PIGF: variants seen among roughly 807,000 people sequenced by gnomAD.
The protein encoded by PIGF is GPI ethanolamine phosphate transferase, stabilizing subunit.
In PIGF, 23 loss-of-function variants were observed where a neutral mutation model predicts 26.0. That is an observed-to-expected ratio of 0.88 (90% CI 0.64 to 1.25). The LOEUF is 1.25. PIGF is among the 50% of genes most tolerant of loss of function. The probability of loss-of-function intolerance (pLI) is 0.00; values close to 1 mark genes in which losing one functional copy is unlikely to be tolerated. For missense variants in PIGF, 278 were observed against 249.9 expected, an observed-to-expected ratio of 1.11 and a Z score of -0.76; for synonymous variants, 93 against 92.6, an observed-to-expected ratio of 1.00 and a Z score of -0.03.
intron 4 of PIGF, among the ~76,000 whole-genome samples, chr2:46,605,130 G>C (rs1470027731): frequency 4.6e-5 from 7 of 152,002 alleles, no homozygotes. Flanking sequence ...AGATCTTTGA[G>C]TTTTTAAATA....
chr2:46,601,000 A>C (rs983189305), intron 4 of PIGF, among the ~76,000 whole-genome samples: 4 of 151,976 alleles, frequency 2.6e-5, no homozygotes, highest in African/African-American at 7.2e-5. Flanking sequence ...TAGGATCTTT[A>C]ACTTTCTATA....
intron 5 of PIGF, among the ~76,000 whole-genome samples, chr2:46,587,720 G>A (rs1474021315): frequency 1.3e-5 from 2 of 152,132 alleles, no homozygotes; most frequent in Non-Finnish European, 2.9e-5. Flanking sequence ...GGCATGTGTG[G>A]ATTTGTTAGG....
At chr2:46,596,994 C>T (rs968895212) in intron 4 of PIGF, among the ~76,000 whole-genome samples, 3 of 152,160 alleles carry the variant, frequency 2.0e-5, no homozygotes, top group East Asian at 3.8e-4. Context: ...TGTTTGCTTA[C>T]GTACCTGTCA....
chr2:46,605,807 A>G (rs977537700), intron 4 of PIGF, among the ~76,000 whole-genome samples: 2 of 152,142 alleles, frequency 1.3e-5, no homozygotes, highest in Admixed American at 6.5e-5. Context: ...CAGCTTTCTA[A>G]GTTCTTCATC....
At chr2:46,603,136 T>C (rs1455709227) in intron 4 of PIGF, among the ~76,000 whole-genome samples, 1 of 151,980 alleles carries the variant, frequency 6.6e-6, no homozygotes, top group Non-Finnish European at 1.5e-5. Context: ...ATTAAATATC[T>C]ATGAATTAAC....
intron 4 of PIGF, among the ~76,000 whole-genome samples, chr2:46,603,239 T>C (rs1670114318): frequency 6.6e-6 from 1 of 152,112 alleles, no homozygotes; most frequent in Admixed American, 6.6e-5. Context: ...AGATATTTCA[T>C]GTTTGTGAAC....
Position 46,581,522 on chromosome 2 carries a change from A to G in PIGF, c.616T>C (p.Trp206Arg). ...AGTTGCTTTCTATTCCAGTATATCC[A>G]GAGTGGTGAAATAACAAGGCCAGCC... is the stretch of plus-strand genomic sequence containing the variant. ...YVAGLVISPL[W>R]IYWNRKQLTY... Residue 206 changes from tryptophan (W) to arginine (R), a missense_variant, in exon 6 of 6, where the codon TGG (tryptophan) becomes CGG (arginine). Physicochemically the swap from Trp to Arg is moderately radical, Grantham distance 101 (BLOSUM62 -3). Coordinates refer to ENST00000281382, the MANE Select transcript of PIGF (RefSeq NM_002643.4). The G allele has an allele frequency of 1.2e-6, 2 of 1,611,654 alleles. No individual in the cohort carries two copies. The highest frequency in any genetic ancestry group is 1.7e-6 in the Non-Finnish European group (2 of 1,179,604).
intron 4 of PIGF, among the ~76,000 whole-genome samples, chr2:46,611,543 C>T (rs1670418869): frequency 6.6e-6 from 1 of 151,398 alleles, no homozygotes; most frequent in Non-Finnish European, 1.5e-5. Flanking sequence ...TAGCATAACA[C>T]AATAACACAG....
intron 4 of PIGF, among the ~76,000 whole-genome samples, chr2:46,608,548 T>C (rs576326230): frequency 2.2e-4 from 34 of 152,360 alleles, no homozygotes; most frequent in African/African-American, 7.9e-4. Flanking sequence ...TTCAATTTAC[T>C]TTTTCCAAAT....
chr2:46,616,106 A>T (rs942416968), intron 1 of PIGF: 1 of 152,156 alleles, frequency 6.6e-6, no homozygotes, highest in Admixed American at 6.5e-5. Context: ...AGAAAGGCGA[A>T]CCTGGGCCTT....
At chr2:46,616,741 G>A (rs973673428) in intron 1 of PIGF, 2 of 159,796 alleles carry the variant, frequency 1.3e-5, no homozygotes, top group African/African-American at 4.8e-5. Flanking sequence ...CCAGCTGAGA[G>A]GCAGGATCAA....
chr2:46,582,206 A>G (rs1484859488), intron 5 of PIGF: 1 of 152,238 alleles, frequency 6.6e-6, no homozygotes, highest in African/African-American at 2.4e-5. Flanking sequence ...CAGCCATATT[A>G]CATCAGGCTA....
Position 46,588,211 on chromosome 2 carries a change from G to A in PIGF, c.546+4264C>T. 6.2e-7 allele frequency: 1 copy of A among 1,607,882 alleles called. No individual in the cohort carries two copies. Among genetic ancestry groups the A allele is most frequent in the Non-Finnish European group, 8.5e-7 (1 of 1,177,570 alleles). On this transcript the variant is annotated intron_variant, in intron 5 of 5. Coordinates refer to ENST00000281382, the MANE Select transcript of PIGF (RefSeq NM_002643.4). This position sits in a 1 kb window ranked among gnomAD's most constrained non-coding sequence, Gnocchi z 4.1. ...TGTCAGACAGGATTGAAAATTATGTGAAATCCAAATACCCTAAATTGGCAT... is the reference window on the plus strand; with the variant it reads ...TGTCAGACAGGATTGAAAATTATGTAAAATCCAAATACCCTAAATTGGCAT...
At position 46,615,110 on chromosome 2, in the gene PIGF, A is replaced by G. The variant is rs934772775; in HGVS notation, c.55T>C (p.Ser19Pro). 3 of 1,586,226 alleles carry G rather than the reference A, an allele frequency of 1.9e-6. No homozygotes were observed. Among genetic ancestry groups the G allele is most frequent in the Non-Finnish European group, 2.6e-6 (3 of 1,154,742 alleles). The part of the protein sequence containing the change: ...LLYTHLLCIF[S>P]IILSVFIPSL... ...GGAATGAAGACACTTAGGATAATTG[A>G]AAATATGCATAAAAGATGGGTATAC... The change falls in exon 2 of 6, where the codon TCA (serine) becomes CCA (proline). Residue 19 changes from serine (S) to proline (P), a missense_variant. Transcript: ENST00000281382.
Position 46,612,347 on chromosome 2 carries a change from A to AT in PIGF, c.321-4_321-3insA. ...ATAAAAATGTTTCCAATGCCAACCT[A>AT]GAAAAAAAAAAAGATTACTTTTTAA... is the stretch of plus-strand genomic sequence containing the variant. On this transcript the variant is annotated splice_polypyrimidine_tract_variant and splice_region_variant and intron_variant, in intron 3 of 5. Transcript: ENST00000281382. The AT allele has an allele frequency of 8.8e-7, 1 of 1,133,910 alleles. No individual in the cohort carries two copies. Among genetic ancestry groups the AT allele is most frequent in the Non-Finnish European group, 1.3e-6 (1 of 798,746 alleles). 70.2% of individuals were successfully genotyped at this position (1,133,910 alleles called of 1,614,324 possible). A position where few individuals can be genotyped will look rare whatever the true frequency, so the allele number is the denominator to read the frequency against.
In PIGF at chr2:46,581,068, T is replaced by C. The variant is rs1371893187; in HGVS notation, c.*410A>G. 8 of 1,543,890 alleles carry C rather than the reference T, an allele frequency of 5.2e-6. No individual in the cohort carries two copies. The highest frequency in any genetic ancestry group is 2.8e-5 in the African/African-American group (2 of 71,612). On this transcript the variant is annotated 3_prime_UTR_variant, in exon 6 of 6. Coordinates refer to ENST00000281382, the MANE Select transcript of PIGF (RefSeq NM_002643.4). ...GAATAGGATCAAGATGTATAAACTGTTGTTTAATTACGTGAGAAACATCTT... is the reference window on the plus strand; with the variant it reads ...GAATAGGATCAAGATGTATAAACTGCTGTTTAATTACGTGAGAAACATCTT...
rs759122569 is a variant in PIGF at position 46,612,263 on chromosome 2, G to A, written c.402C>T (p.Asn134=). ...TVPCLCLLGP[N]LKAWLRVFSR... ...TGAACACTCTTAGCCATGCTTTGAG[G>A]TTTGGTCCTAACAAACATAAGCAAG... is the stretch of plus-strand genomic sequence containing the variant. Residue 134 remains asparagine (N), a synonymous_variant, in exon 4 of 6, where the codon AAC becomes AAT. Transcript: ENST00000281382. 11 of 1,442,548 alleles carry A rather than the reference G, an allele frequency of 7.6e-6. No individual in the cohort carries two copies. The Middle Eastern group carries it at 8.0e-4, about 105-fold the overall frequency. The allele number at this position is 1,442,548 out of a possible 1,614,324, so 89.4% of individuals were successfully genotyped here. A position where few individuals can be genotyped will look rare whatever the true frequency, so the allele number is the denominator to read the frequency against.
intron 2 of PIGF, 137 bp downstream of exon 2, chr2:46,614,800 C>T: frequency 1.7e-6 from 1 of 578,296 alleles, no homozygotes; most frequent in Non-Finnish European, 3.1e-6. Context: ...TAACAGCCTA[C>T]CAATTTGGGG....
chr2:46,585,075 A>G (rs543239104), intron 5 of PIGF, among the ~76,000 whole-genome samples: 1 of 152,356 alleles, frequency 6.6e-6, no homozygotes, highest in East Asian at 1.9e-4. Context: ...TGCCACAAAT[A>G]GGATTTTTTA....
Sources: allele counts gnomAD v4.1 joint callset (sites outside exome capture counted in the v4.1 genomes callset), GRCh38; gene constraint gnomAD v4.1.1; non-coding constraint Gnocchi (gnomAD v3.1); transcripts MANE v1.5; gene names NCBI Gene and HGNC (gene_info 2026-07-23, HGNC 2026-07-21).